Variants in FBXW2 observed in about 807,000 individuals in gnomAD.
The protein encoded by FBXW2 is F-box and WD repeat domain containing 2.
A neutral mutation model predicts 46.0 loss-of-function variants in FBXW2; 12 were observed. The ratio of observed to expected loss-of-function variants is 0.26; its 90% CI spans 0.17 to 0.42. The LOEUF (loss-of-function observed/expected upper bound fraction) is 0.42, where lower values mean the gene tolerates loss of function less well. Ranked by LOEUF, FBXW2 falls within the 10% of genes least tolerant of loss-of-function variation. The pLI is 1.00. For synonymous variants in FBXW2, 203 were observed against 209.6 expected (o/e 0.97, Z 0.27); for missense variants, 360 against 537.0 (o/e 0.67, Z 3.26).
rs1248266318 is a variant in FBXW2 at position 120,793,231 on chromosome 9, GC to G, written c.-104del. The G allele has an allele frequency of 7.7e-6, 4 of 518,380 alleles. No individual in the cohort carries two copies. Among genetic ancestry groups the G allele is most frequent in the Non-Finnish European group, 1.4e-5 (4 of 294,534 alleles). 32.1% of individuals were successfully genotyped at this position (518,380 alleles called of 1,614,324 possible). A position where few individuals can be genotyped will look rare whatever the true frequency, so the allele number is the denominator to read the frequency against. ...CTCGGACCGCCAGAGCCTTGCAGCG[GC>G]CGGGTCCGCTCCGCAGCCATGGCGC... On this transcript the variant is annotated 5_prime_UTR_variant, in exon 2 of 8. An upstream open reading frame in the 5' UTR loses its in-frame stop. Transcript: ENST00000608872.
intron 2 of FBXW2, chr9:120,792,369 G>T (rs979286236): frequency 6.6e-6 from 1 of 152,214 alleles, no homozygotes; most frequent in South Asian, 2.0e-4. Flanking sequence ...AGAGCACAGA[G>T]GCGCTGAAAA....
Position 120,772,848 on chromosome 9 carries a change from T to C in FBXW2, c.820-8A>G. 6.3e-7 allele frequency: 1 copy of C among 1,593,314 alleles called. No homozygotes were observed. Among genetic ancestry groups the C allele is most frequent in the Non-Finnish European group, 8.6e-7 (1 of 1,161,942 alleles). On this transcript the variant is annotated splice_polypyrimidine_tract_variant and splice_region_variant and intron_variant, in intron 5 of 7. Coordinates refer to ENST00000608872, the MANE Select transcript of FBXW2 (RefSeq NM_012164.4). Reference sequence around the variant, plus strand: ...GCACTTCTGCAAAACTACCTGCAAATGTAAACCATGTTACGGAAAGATCCT... The same window carrying C: ...GCACTTCTGCAAAACTACCTGCAAACGTAAACCATGTTACGGAAAGATCCT...
chr9:120,786,763 A>G (rs2044731742), intron 3 of FBXW2, among the ~76,000 whole-genome samples: 1 of 152,218 alleles, frequency 6.6e-6, no homozygotes, highest in Non-Finnish European at 1.5e-5. Flanking sequence ...AATGCTGCCT[A>G]AGAATTATTT....
chr9:120,773,788 TC>T (rs2044430979), intron 5 of FBXW2, among the ~76,000 whole-genome samples: 1 of 152,212 alleles, frequency 6.6e-6, no homozygotes, highest in Admixed American at 6.5e-5. Context: ...ACAGCTCAGG[TC>T]CTGAAGGTGG....
At chr9:120,781,354 T>C (rs757336957) in intron 3 of FBXW2, among the ~76,000 whole-genome samples, 4 of 152,130 alleles carry the variant, frequency 2.6e-5, no homozygotes, top group Non-Finnish European at 4.4e-5. Context: ...CAAAAAACCG[T>C]CTAGGAGTTA....
In FBXW2 at chr9:120,757,428, AAAG is replaced by A. The variant is rs1684101201; in HGVS notation, c.*7128_*7130del. The A allele has an allele frequency of 1.3e-5, 2 of 152,374 alleles. No individual in the cohort carries two copies. The highest frequency in any genetic ancestry group is 1.3e-4 in the Admixed American group (2 of 15,308). The allele number at this position is 152,374 out of a possible 1,614,324, so 9.4% of individuals were successfully genotyped here. ...GAACTTGTTCTAAGGAAATATGCAC[AAAG>A]AAGTTCTCTGTAGTATCTTCTAAAA... On this transcript the variant is annotated 3_prime_UTR_variant, in exon 8 of 8. Transcript: ENST00000608872.
At chr9:120,792,795 C>G in intron 2 of FBXW2, 1 of 1,108,268 alleles carries the variant, frequency 9.0e-7, no homozygotes. Flanking sequence ...ACTCGGCACG[C>G]TGTAAGCCTA....
intron 4 of FBXW2, among the ~76,000 whole-genome samples, chr9:120,777,490 AT>A (rs2044521769): frequency 6.6e-6 from 1 of 152,252 alleles, no homozygotes; most frequent in Non-Finnish European, 1.5e-5. Context: ...AAGCAAGATT[AT>A]ATTTGTATGA....
At chr9:120,781,789 G>A (rs763697194) in intron 3 of FBXW2, among the ~76,000 whole-genome samples, 2 of 152,052 alleles carry the variant, frequency 1.3e-5, no homozygotes, top group African/African-American at 2.4e-5. Context: ...TTGGGAGGCC[G>A]AGGCGGGAGG....
chr9:120,793,343 C>A lies in FBXW2; in HGVS notation c.-130+11G>T, dbSNP rs926275205. On this transcript the variant is annotated intron_variant, in intron 1 of 7. Coordinates refer to ENST00000608872, the MANE Select transcript of FBXW2 (RefSeq NM_012164.4). ...GTCCCCTCCCCGACCGGCCCCGCCT[C>A]GCATACAGACCCGGACCTGCGGCCG... The A allele has an allele frequency of 1.7e-5, 7 of 420,760 alleles. No individual in the cohort carries two copies. The highest frequency in any genetic ancestry group is 2.1e-5 in the Non-Finnish European group (5 of 239,346). The allele number at this position is 420,760 out of a possible 1,614,324, so 26.1% of individuals were successfully genotyped here.
intron 3 of FBXW2, 49 bp from the exon 4 acceptor site, chr9:120,778,594 A>G: frequency 6.7e-7 from 1 of 1,496,856 alleles, no homozygotes; most frequent in Non-Finnish European, 9.2e-7. Context: ...CACACTAAAG[A>G]AGGAAAATCA....
intron 4 of FBXW2, 86 bp downstream of exon 4, chr9:120,778,265 A>G (rs916010946): frequency 9.4e-7 from 1 of 1,064,244 alleles, no homozygotes; most frequent in Admixed American, 2.8e-5. Flanking sequence ...GGTTAAATTA[A>G]AAAAAAAAAA....
chr9:120,768,653 G>C, intron 7 of FBXW2, among the ~76,000 whole-genome samples: 2 of 151,972 alleles, frequency 1.3e-5, no homozygotes. Context: ...AAACCCCATC[G>C]CTACTAAAAA....
chr9:120,772,739 G>T lies in FBXW2; in HGVS notation c.906+15C>A. ...TTTTCTTTAATGAAGCAAATTAATG[G>T]AGAAAAAAACTCACCTTAATCTCAT... On this transcript the variant is annotated intron_variant, in intron 6 of 7. Coordinates refer to ENST00000608872, the MANE Select transcript of FBXW2 (RefSeq NM_012164.4). 1 of 1,516,322 alleles carries T rather than the reference G, an allele frequency of 6.6e-7. No individual in the cohort carries two copies. The highest frequency in any genetic ancestry group is 1.4e-5 in the African/African-American group (1 of 69,304). 93.9% of individuals were successfully genotyped at this position (1,516,322 alleles called of 1,614,324 possible).
In FBXW2 at chr9:120,764,742, T is replaced by C. The variant is rs2044244325; in HGVS notation, c.1182A>G (p.Thr394=). 2 of 1,614,124 alleles carry C rather than the reference T, an allele frequency of 1.2e-6. No individual in the cohort carries two copies. Among genetic ancestry groups the C allele is most frequent in the Non-Finnish European group, 1.7e-6 (2 of 1,180,042 alleles). ...GAGGCCAGCGACTAATCAGGCTCTC[T>C]GTCCGCAAGTCCATGATGTACAGGT... ...NRYLYIMDLR[T]ESLISRWPLP... is the part of the protein sequence containing the mutation. Residue 394 remains threonine (T), a synonymous_variant, in exon 8 of 8, where the codon ACA becomes ACG. Transcript: ENST00000608872.
intron 6 of FBXW2, among the ~76,000 whole-genome samples, chr9:120,772,348 C>T (rs1230228272): frequency 6.6e-6 from 1 of 151,972 alleles, no homozygotes; most frequent in African/African-American, 2.4e-5. Context: ...CAAAAATTAG[C>T]TGGGCCTGGT....
At chr9:120,786,626 G>A (rs1172670116) in intron 3 of FBXW2, among the ~76,000 whole-genome samples, 2 of 152,078 alleles carry the variant, frequency 1.3e-5, no homozygotes, top group African/African-American at 4.8e-5. Context: ...AGTTTATACC[G>A]TAATACACAA....
Position 120,760,140 on chromosome 9 carries a change from G to GT in FBXW2, c.*4418dup, listed in dbSNP as rs984391601. On this transcript the variant is annotated 3_prime_UTR_variant, in exon 8 of 8. Coordinates refer to ENST00000608872, the MANE Select transcript of FBXW2 (RefSeq NM_012164.4). ...CAAGCGAAAGCACCAGCGTAACCAG[G>GT]TAGGAGGGCTGTGTCAAGAAGACGG... 3.9e-5 allele frequency: 6 copies of GT among 152,288 alleles called. No individual in the cohort carries two copies. Among genetic ancestry groups the GT allele is most frequent in the Admixed American group, 3.9e-4 (6 of 15,280 alleles). 9.4% of individuals were successfully genotyped at this position (152,288 alleles called of 1,614,324 possible).
intron 2 of FBXW2, among the ~76,000 whole-genome samples, chr9:120,788,984 C>T (rs939323850): frequency 6.6e-6 from 1 of 151,916 alleles, no homozygotes; most frequent in Admixed American, 6.6e-5. Context: ...TTTTTCTAAA[C>T]CTCATATGAG....
Sources: gnomAD v4.1 joint callset for allele counts (sites outside exome capture counted in the v4.1 genomes callset) on GRCh38, gnomAD v4.1.1 for gene constraint, MANE v1.5 for transcripts, NCBI Gene and HGNC (gene_info 2026-07-23, HGNC 2026-07-21) for gene names.